CYTH1: variants seen among roughly 807,000 people sequenced by gnomAD.
The protein encoded by CYTH1 is cytohesin 1.
A neutral mutation model predicts 61.8 loss-of-function variants in CYTH1; 18 were observed. That is an observed-to-expected ratio of 0.29 (90% CI 0.20 to 0.43). The LOEUF (loss-of-function observed/expected upper bound fraction) is 0.43. Ranked by LOEUF, CYTH1 falls within the 20% of genes least tolerant of loss-of-function variation. CYTH1 has a pLI of 1.00. For missense variants in CYTH1, 336 were observed against 510.5 expected, an observed-to-expected ratio of 0.66 and a Z score of 3.29; for synonymous variants, 174 against 184.3, an observed-to-expected ratio of 0.94 and a Z score of 0.45.
At chr17:78,779,237 C>G (rs566162112) in intron 1 of CYTH1, among the ~76,000 whole-genome samples, 1 of 151,942 alleles carries the variant, frequency 6.6e-6, no homozygotes, top group Admixed American at 6.6e-5. Flanking sequence ...CCTGTCTCTA[C>G]TAAAAATACA....
chr17:78,727,535 AC>A (rs1445799152), intron 1 of CYTH1: 3 of 362,066 alleles, frequency 8.3e-6, no homozygotes, highest in Non-Finnish European at 1.8e-5. Flanking sequence ...CATCACCCTT[AC>A]CAGAGTTGCC....
intron 11 of CYTH1, among the ~76,000 whole-genome samples, chr17:78,682,858 T>G (rs9895721): frequency 2.6e-5 from 4 of 152,178 alleles, no homozygotes; most frequent in African/African-American, 4.8e-5. Context: ...TCAGTCATCA[T>G]GCAGGGTATT....
At position 78,674,675 on chromosome 17, in the gene CYTH1, G is replaced by C. The variant is rs1396729612; in HGVS notation, c.*1416C>G. The C allele has an allele frequency of 6.6e-6, 1 of 152,420 alleles. No homozygotes were observed. Among genetic ancestry groups the C allele is most frequent in the African/African-American group, 2.4e-5 (1 of 41,470 alleles). 9.4% of individuals were successfully genotyped at this position (152,420 alleles called of 1,614,324 possible). A position where few individuals can be genotyped will look rare whatever the true frequency, so the allele number is the denominator to read the frequency against. ...CCTCCACCTGCCTCCTCAGGGCTGC[G>C]CCCTGCACCGCCCTGGTCCAGGGTC... is the stretch of plus-strand genomic sequence containing the variant. On this transcript the variant is annotated 3_prime_UTR_variant, in exon 14 of 14. Coordinates refer to ENST00000446868, the MANE Select transcript of CYTH1 (RefSeq NM_004762.6).
At chr17:78,721,499 A>C (rs1202959636) in intron 1 of CYTH1, among the ~76,000 whole-genome samples, 1 of 152,174 alleles carries the variant, frequency 6.6e-6, no homozygotes, top group African/African-American at 2.4e-5. Context: ...TGCAAAAACT[A>C]CCCAGTTTCC....
intron 1 of CYTH1, among the ~76,000 whole-genome samples, chr17:78,737,315 G>A (rs2093324536): frequency 6.6e-6 from 1 of 152,084 alleles, no homozygotes; most frequent in Non-Finnish European, 1.5e-5. Context: ...GTAAACAGCT[G>A]TTATGCTATA....
intron 1 of CYTH1, among the ~76,000 whole-genome samples, chr17:78,781,012 AAATAAAATAAAATAAAATAAAAT>A (rs963194113): frequency 1.3e-5 from 2 of 151,112 alleles, no homozygotes; most frequent in African/African-American, 4.9e-5. Flanking sequence ...TCCGTTTCAA[AAATAAAATAAAATAAAATAAAAT>A]AATAAAATAA....
intron 3 of CYTH1, 151 bp downstream of exon 3, chr17:78,708,046 A>C (rs1262622927): frequency 1.4e-6 from 1 of 728,922 alleles, no homozygotes; most frequent in Non-Finnish European, 2.3e-6. Context: ...GAAGGATGGA[A>C]GGCAGACATT....
intron 1 of CYTH1, among the ~76,000 whole-genome samples, chr17:78,768,161 C>A (rs1396317459): frequency 6.6e-6 from 1 of 152,190 alleles, no homozygotes; most frequent in Non-Finnish European, 1.5e-5. Flanking sequence ...AAGCTCTCCA[C>A]TCTGCAACTT....
chr17:78,737,670 C>T lies in CYTH1; in HGVS notation c.23-27938G>A, dbSNP rs558996594. Among the ~76,000 whole-genome samples, 3 of 151,348 alleles carry T rather than the reference C, an allele frequency of 2.0e-5. No individual in the cohort carries two copies. In the East Asian group the frequency reaches 5.8e-4, roughly 29 times the overall value. ...TTCAGTTTCATCTCCATTATGATTT[C>T]TAATATGCTGCACCCAAAGATTCTT... On this transcript the variant is annotated intron_variant, in intron 1 of 13. Transcript: ENST00000446868.
At chr17:78,687,821 C>T (rs1241985641) in intron 11 of CYTH1, among the ~76,000 whole-genome samples, 1 of 152,170 alleles carries the variant, frequency 6.6e-6, no homozygotes, top group South Asian at 2.1e-4. Context: ...AGTTTCCTGA[C>T]CTATATTCTG....
intron 9 of CYTH1, 128 bp downstream of exon 9, chr17:78,698,141 A>G (rs2092962368): frequency 2.6e-6 from 2 of 774,854 alleles, no homozygotes; most frequent in Non-Finnish European, 4.4e-6. Context: ...GTGCACACAC[A>G]CGCACGCGCA....
At chr17:78,768,594 G>GCAAC (rs1213164317) in intron 1 of CYTH1, among the ~76,000 whole-genome samples, 15 of 152,110 alleles carry the variant, frequency 9.9e-5, no homozygotes, top group African/African-American at 3.6e-4. Context: ...CCAAACACTG[G>GCAAC]CAACCAAATC....
At chr17:78,731,573 C>T (rs1377502315) in intron 1 of CYTH1, among the ~76,000 whole-genome samples, 1 of 151,936 alleles carries the variant, frequency 6.6e-6, no homozygotes, top group Non-Finnish European at 1.5e-5. Context: ...TCCTAGCTAA[C>T]ACGGTGAAAC....
intron 1 of CYTH1, among the ~76,000 whole-genome samples, chr17:78,745,522 A>G (rs1361166432): frequency 6.6e-6 from 1 of 152,230 alleles, no homozygotes; most frequent in East Asian, 1.9e-4. Context: ...ACTGAATGTC[A>G]TAAATTCCAT....
chr17:78,738,530 ACT>A (rs1327288160), intron 1 of CYTH1, among the ~76,000 whole-genome samples: 1 of 152,000 alleles, frequency 6.6e-6, no homozygotes, highest in Non-Finnish European at 1.5e-5. Flanking sequence ...CTCCAGTCAG[ACT>A]CTGAAGGTGC....
At chr17:78,764,470 C>T (rs563128542) in intron 1 of CYTH1, among the ~76,000 whole-genome samples, 21 of 152,064 alleles carry the variant, frequency 1.4e-4, no homozygotes, top group African/African-American at 4.8e-4. Flanking sequence ...CTAAATGTCC[C>T]TTTTTCAAGA....
At chr17:78,777,991 A>G (rs2093499848) in intron 1 of CYTH1, among the ~76,000 whole-genome samples, 1 of 152,098 alleles carries the variant, frequency 6.6e-6, no homozygotes, top group South Asian at 2.1e-4. Flanking sequence ...AATGTTTCTC[A>G]TTATTCTGAA....
intron 1 of CYTH1, among the ~76,000 whole-genome samples, chr17:78,715,281 T>C (rs2093171346): frequency 6.6e-6 from 1 of 152,124 alleles, no homozygotes; most frequent in Non-Finnish European, 1.5e-5. Context: ...AAATTCTAAA[T>C]GAAAATTATC....
intron 13 of CYTH1, among the ~76,000 whole-genome samples, chr17:78,678,733 C>T (rs914223914): frequency 2.0e-5 from 3 of 152,338 alleles, no homozygotes; most frequent in African/African-American, 7.2e-5. Context: ...CAGGGCCACA[C>T]TTCCCATGAT....
Sources: allele counts gnomAD v4.1 joint callset (sites outside exome capture counted in the v4.1 genomes callset), GRCh38; gene constraint gnomAD v4.1.1; transcripts MANE v1.5; gene names NCBI Gene and HGNC (gene_info 2026-07-23, HGNC 2026-07-21).